The following SAMD4A variants were observed in gnomAD, a reference collection of about 807,000 sequenced individuals.
The protein encoded by SAMD4A is sterile alpha motif domain containing 4A.
In SAMD4A, 33 loss-of-function variants were observed where a neutral mutation model predicts 81.3. The observed-to-expected ratio is 0.41, with a 90% CI of 0.31 to 0.54. The LOEUF is 0.54. Among genes scored for constraint, SAMD4A ranks in the 20% least tolerant of loss-of-function variants. SAMD4A has a pLI of 0.37. For missense variants in SAMD4A, 854 were observed against 951.1 expected (o/e 0.90, Z 1.34); for synonymous variants, 389 against 382.1 (o/e 1.02, Z -0.21).
chr14:54,580,888 C>G (rs1192691772), intron 2 of SAMD4A, among the ~76,000 whole-genome samples: 1 of 152,184 alleles, frequency 6.6e-6, no homozygotes, highest in Non-Finnish European at 1.5e-5. Flanking sequence ...TAACTGACAT[C>G]CGTAATCCAC....
At chr14:54,610,999 C>A (rs978448106) in intron 2 of SAMD4A, among the ~76,000 whole-genome samples, 50 of 152,234 alleles carry the variant, frequency 3.3e-4, no homozygotes, top group African/African-American at 1.1e-3. Context: ...GCATGATCAT[C>A]ATTAGAGTTT....
chr14:54,687,895 G>T, intron 2 of SAMD4A: 1 of 959,210 alleles, frequency 1.0e-6, no homozygotes, highest in Non-Finnish European at 1.2e-6. Context: ...TCCCTGAATG[G>T]GGCTGGGCTG....
At chr14:54,758,037 A>G (rs981882809) in intron 6 of SAMD4A, among the ~76,000 whole-genome samples, 1 of 152,216 alleles carries the variant, frequency 6.6e-6, no homozygotes, top group Non-Finnish European at 1.5e-5. Flanking sequence ...GATCAGGATC[A>G]CGCCTGACTC....
chr14:54,686,755 G>A (rs935612152), intron 2 of SAMD4A, among the ~76,000 whole-genome samples: 2 of 152,150 alleles, frequency 1.3e-5, no homozygotes, highest in Non-Finnish European at 2.9e-5. Flanking sequence ...AGTTGGTTAC[G>A]CGCTAAATTG....
chr14:54,702,459 T>G lies in SAMD4A; in HGVS notation c.594T>G (p.Ile198Met), dbSNP rs1406397280. The change falls in exon 3 of 13, where the codon ATT becomes ATG. Residue 198 changes from isoleucine (I) to methionine (M), a missense_variant. Coordinates refer to ENST00000554335, the MANE Select transcript of SAMD4A (RefSeq NM_015589.6). The part of the protein sequence containing the change: ...NGWQNSRDSG[I>M]CINASNWQDK... ...GGCAGAACTCTCGGGATTCTGGGAT[T>G]TGCATCAATGCCTCCAACTGGCAGG... 6.2e-7 allele frequency: 1 copy of G among 1,614,130 alleles called. No homozygotes were observed. Among genetic ancestry groups the G allele is most frequent in the East Asian group, 2.2e-5 (1 of 44,878 alleles).
chr14:54,682,817 T>A (rs1427434388), intron 2 of SAMD4A, among the ~76,000 whole-genome samples: 2 of 152,196 alleles, frequency 1.3e-5, no homozygotes, highest in African/African-American at 4.8e-5. Context: ...TTTTCAGACA[T>A]TCAGTGACTT....
At chr14:54,716,896 C>G (rs1047355012) in intron 3 of SAMD4A, among the ~76,000 whole-genome samples, 2 of 152,020 alleles carry the variant, frequency 1.3e-5, no homozygotes, top group Non-Finnish European at 2.9e-5. Context: ...GCTACAATGC[C>G]CCTCTCAGTG....
At chr14:54,769,147 T>G (rs908976915) in intron 8 of SAMD4A, among the ~76,000 whole-genome samples, 4 of 152,204 alleles carry the variant, frequency 2.6e-5, no homozygotes, top group African/African-American at 4.8e-5. Flanking sequence ...ATATGTGACG[T>G]GGGGTCCTCA....
At chr14:54,659,950 G>A (rs1036115932) in intron 2 of SAMD4A, among the ~76,000 whole-genome samples, 10 of 152,240 alleles carry the variant, frequency 6.6e-5, no homozygotes, top group East Asian at 5.8e-4. Flanking sequence ...GCATGGTGGC[G>A]CATGCCTGTA....
At chr14:54,579,747 A>G (rs1468253651) in intron 2 of SAMD4A, among the ~76,000 whole-genome samples, 2 of 152,214 alleles carry the variant, frequency 1.3e-5, no homozygotes, top group Non-Finnish European at 2.9e-5. Context: ...TGGCCTCTGC[A>G]TGAATGGGCT....
intron 5 of SAMD4A, 23 bp downstream of exon 5, chr14:54,748,947 C>G: frequency 6.6e-7 from 1 of 1,514,138 alleles, no homozygotes; most frequent in Non-Finnish European, 9.0e-7. Flanking sequence ...GGTGACTGTT[C>G]CCTGAGAGGG....
At chr14:54,685,279 C>CG (rs1041089289) in intron 2 of SAMD4A, among the ~76,000 whole-genome samples, 7 of 148,146 alleles carry the variant, frequency 4.7e-5, no homozygotes, top group African/African-American at 1.5e-4. Context: ...TTCCTGCCCC[C>CG]CCCCCCAGCT....
intron 2 of SAMD4A, among the ~76,000 whole-genome samples, chr14:54,654,838 CCT>C (rs1056900400): frequency 1.3e-5 from 2 of 152,186 alleles, no homozygotes; most frequent in Non-Finnish European, 2.9e-5. Flanking sequence ...CATCCCTGCC[CCT>C]GTTTCCAGGA....
intron 2 of SAMD4A, among the ~76,000 whole-genome samples, chr14:54,679,215 T>C (rs1385674539): frequency 2.0e-5 from 3 of 152,182 alleles, no homozygotes; most frequent in Non-Finnish European, 4.4e-5. Context: ...CTACAATGCA[T>C]TGGACCAGGA....
At chr14:54,719,215 A>T (rs80268024) in intron 3 of SAMD4A, among the ~76,000 whole-genome samples, 6 of 151,630 alleles carry the variant, frequency 4.0e-5, no homozygotes, top group African/African-American at 7.3e-5. Flanking sequence ...TTTATCTTCA[A>T]CTTAAAGAAC....
chr14:54,746,343 C>A (rs2037967126), intron 4 of SAMD4A, among the ~76,000 whole-genome samples: 1 of 152,202 alleles, frequency 6.6e-6, no homozygotes, highest in Non-Finnish European at 1.5e-5. Context: ...TCAAGAAACA[C>A]AGGGCCAAAA....
chr14:54,579,086 G>A (rs1230738924), intron 2 of SAMD4A, among the ~76,000 whole-genome samples: 1 of 152,212 alleles, frequency 6.6e-6, no homozygotes, highest in Non-Finnish European at 1.5e-5. Flanking sequence ...TGAATGGTAA[G>A]AGCGTCTATT....
intron 2 of SAMD4A, among the ~76,000 whole-genome samples, chr14:54,639,369 C>A (rs1040517615): frequency 2.0e-5 from 3 of 152,198 alleles, no homozygotes; most frequent in African/African-American, 7.2e-5. Context: ...CTCAGCGTCT[C>A]TGTTTCTTGC....
intron 2 of SAMD4A, among the ~76,000 whole-genome samples, chr14:54,671,347 T>A (rs1043653061): frequency 4.6e-5 from 7 of 152,216 alleles, no homozygotes; most frequent in African/African-American, 1.4e-4. Flanking sequence ...ATCTCCATGC[T>A]TCTGCTTCCT....
Sources: allele counts gnomAD v4.1 joint callset (sites outside exome capture counted in the v4.1 genomes callset), GRCh38; gene constraint gnomAD v4.1.1; transcripts MANE v1.5; gene names NCBI Gene and HGNC (gene_info 2026-07-23, HGNC 2026-07-21).